The following THSD4 variants were observed in gnomAD, a reference collection of about 807,000 sequenced individuals.
THSD4 encodes thrombospondin type-1 domain-containing protein 4.
In THSD4, 69 loss-of-function variants were observed where a neutral mutation model predicts 119.0. That is an observed-to-expected ratio of 0.58 (90% confidence interval 0.48 to 0.71). THSD4 has a LOEUF of 0.71. THSD4 is among the 30% of genes least tolerant of loss of function. The pLI is 0.00. For synonymous variants in THSD4, 524 were observed against 540.4 expected (o/e 0.97, Z 0.42); for missense variants, 1,393 against 1,391.1 (o/e 1.00, Z -0.02).
intron 3 of THSD4, among the ~76,000 whole-genome samples, chr15:71,213,130 T>C (rs1385481619): frequency 6.6e-6 from 1 of 152,230 alleles, no homozygotes; most frequent in African/African-American, 2.4e-5. Context: ...AGGGCCACGC[T>C]CCTTCCAAAG....
chr15:71,147,307 C>T lies in THSD4; in HGVS notation c.29+5751C>T, dbSNP rs555875320. Reference sequence around the variant, plus strand: ...GCCACCTCAAATGCCTGGGCTCAAACGATCCTCCCACCTCAGCCTCCTGAG... The same window carrying T: ...GCCACCTCAAATGCCTGGGCTCAAATGATCCTCCCACCTCAGCCTCCTGAG... On this transcript the variant is annotated intron_variant, in intron 2 of 17. Coordinates refer to ENST00000261862, the MANE Select transcript of THSD4 (RefSeq NM_024817.3). 3.9e-5 allele frequency among the ~76,000 whole-genome samples: 6 copies of T among 152,256 alleles called. No individual in the cohort carries two copies. The Middle Eastern group carries it at 0.01, about 259-fold the overall frequency.
chr15:71,320,031 G>A (rs890819744), intron 6 of THSD4, among the ~76,000 whole-genome samples: 1 of 152,098 alleles, frequency 6.6e-6, no homozygotes, highest in Non-Finnish European at 1.5e-5. Context: ...TAGATCTCTT[G>A]GCACTAACAT....
intron 6 of THSD4, among the ~76,000 whole-genome samples, chr15:71,360,356 A>G (rs933008804): frequency 6.6e-6 from 1 of 152,114 alleles, no homozygotes; most frequent in Non-Finnish European, 1.5e-5. Flanking sequence ...AGCACATTTT[A>G]CTGGTCAAGA....
intron 6 of THSD4, among the ~76,000 whole-genome samples, chr15:71,298,047 G>C (rs114473910): frequency 1.3e-5 from 2 of 151,980 alleles, no homozygotes; most frequent in Non-Finnish European, 2.9e-5. Context: ...ATTTACCCTT[G>C]TGTTTTCTTC....
chr15:71,641,327 T>A (rs2050854032), intron 7 of THSD4, among the ~76,000 whole-genome samples: 1 of 151,786 alleles, frequency 6.6e-6, no homozygotes, highest in Admixed American at 6.6e-5. Context: ...AAATCTAATC[T>A]TTCTTCCAAG....
chr15:71,720,432 A>T (rs1488831107), intron 8 of THSD4, among the ~76,000 whole-genome samples: 1 of 152,250 alleles, frequency 6.6e-6, no homozygotes, highest in African/African-American at 2.4e-5. Context: ...ATGAGTTCTT[A>T]AATAATATTT....
At chr15:71,112,078 T>G (rs1210441126), upstream of THSD4, 1 of 1,609,130 alleles carries the variant, frequency 6.2e-7, no homozygotes, top group Non-Finnish European at 8.5e-7. Context: ...CAGTTCCACA[T>G]GCCCTGAACT....
intron 7 of THSD4, among the ~76,000 whole-genome samples, chr15:71,426,448 A>G (rs2046870170): frequency 6.6e-6 from 1 of 150,610 alleles, no homozygotes; most frequent in Admixed American, 6.6e-5. Context: ...TATATACACT[A>G]TTGTGCTCTG....
At chr15:71,569,412 A>G (rs1009368932) in intron 7 of THSD4, among the ~76,000 whole-genome samples, 1 of 152,242 alleles carries the variant, frequency 6.6e-6, no homozygotes, top group Admixed American at 6.5e-5. Context: ...AGTGATCAAT[A>G]ATGTATTGAC....
intron 6 of THSD4, among the ~76,000 whole-genome samples, chr15:71,310,153 T>C (rs898844847): frequency 3.4e-4 from 12 of 35,346 alleles, no homozygotes; most frequent in African/African-American, 5.1e-4. Context: ...TCTGCTATTA[T>C]GATTTTACCT....
chr15:71,306,338 A>AAAG (rs1567189160), intron 6 of THSD4, among the ~76,000 whole-genome samples: 1 of 127,928 alleles, frequency 7.8e-6, no homozygotes, highest in African/African-American at 2.8e-5. Flanking sequence ...AAAAAAAAAA[A>AAAG]GGGAATGGTA....
chr15:71,529,717 A>G (rs2048581223), intron 7 of THSD4, among the ~76,000 whole-genome samples: 1 of 152,220 alleles, frequency 6.6e-6, no homozygotes, highest in South Asian at 2.1e-4. Context: ...AACGTATCCT[A>G]TATACTTTTA....
At chr15:71,711,094 T>TATATAC (rs1304068501) in intron 8 of THSD4, among the ~76,000 whole-genome samples, 4 of 147,722 alleles carry the variant, frequency 2.7e-5, no homozygotes, top group Non-Finnish European at 4.5e-5. Flanking sequence ...TATATATATA[T>TATATAC]ACATATATAT....
chr15:71,723,930 T>C (rs2052770549), intron 8 of THSD4, among the ~76,000 whole-genome samples: 1 of 151,646 alleles, frequency 6.6e-6, no homozygotes, highest in African/African-American at 2.4e-5. Flanking sequence ...ATTAACCGAT[T>C]GTGGTGGTGC....
intron 7 of THSD4, among the ~76,000 whole-genome samples, chr15:71,473,786 G>C (rs895503180): frequency 6.6e-6 from 1 of 152,180 alleles, no homozygotes; most frequent in African/African-American, 2.4e-5. Flanking sequence ...TGCATGCTGT[G>C]CGATGCATAC....
At chr15:71,541,396 A>G (rs572597513) in intron 7 of THSD4, among the ~76,000 whole-genome samples, 18 of 152,348 alleles carry the variant, frequency 1.2e-4, no homozygotes, top group African/African-American at 4.1e-4. Context: ...GACAGCACAG[A>G]TGTATAATAA....
chr15:71,455,745 G>T (rs749297259), intron 7 of THSD4, among the ~76,000 whole-genome samples: 3 of 152,172 alleles, frequency 2.0e-5, no homozygotes, highest in Non-Finnish European at 4.4e-5. Context: ...GAGGAGGGGG[G>T]TAGAAATTTG....
At chr15:71,467,603 A>G (rs1037529710) in intron 7 of THSD4, among the ~76,000 whole-genome samples, 3 of 152,152 alleles carry the variant, frequency 2.0e-5, no homozygotes, top group South Asian at 2.1e-4. Context: ...TGAGGGTCAT[A>G]TGACCTGCTT....
intron 3 of THSD4, among the ~76,000 whole-genome samples, chr15:71,201,541 T>C (rs1397985237): frequency 6.6e-6 from 1 of 152,192 alleles, no homozygotes; most frequent in Non-Finnish European, 1.5e-5. Flanking sequence ...TGGTCTCCCA[T>C]GTAATTGACT....
Sources: allele counts gnomAD v4.1 joint callset (sites outside exome capture counted in the v4.1 genomes callset), GRCh38; gene constraint gnomAD v4.1.1; transcripts MANE v1.5; gene names NCBI Gene and HGNC (gene_info 2026-07-23, HGNC 2026-07-21).